Variants in DNAH12 observed in about 807,000 individuals in gnomAD.
DNAH12 encodes the protein dynein axonemal heavy chain 12, also known as axonemal beta dynein heavy chain 12.
A neutral mutation model predicts 371.5 loss-of-function variants in DNAH12; 285 were observed. The observed-to-expected ratio is 0.77, with a 90% CI of 0.70 to 0.85. The LOEUF is 0.85. Ranked by LOEUF, DNAH12 falls within the 40% of genes least tolerant of loss-of-function variation. The pLI is 0.00. For missense variants in DNAH12, 3,611 were observed against 3,689.4 expected (o/e 0.98, Z 0.55); for synonymous variants, 1,200 against 1,213.0 (o/e 0.99, Z 0.22).
At chr3:57,436,500 GT>G in intron 30 of DNAH12, among the ~76,000 whole-genome samples, 1 of 152,142 alleles carries the variant, frequency 6.6e-6, no homozygotes, top group East Asian at 1.9e-4. Context: ...TGGTAACCCT[GT>G]TCTGATAAGC....
chr3:57,481,232 C>G (rs1419745856), intron 13 of DNAH12, among the ~76,000 whole-genome samples: 1 of 152,180 alleles, frequency 6.6e-6, no homozygotes. Context: ...TCTCAGAATA[C>G]AAAATCAATG....
intron 60 of DNAH12, among the ~76,000 whole-genome samples, chr3:57,339,382 A>G (rs1482167811): frequency 1.2e-5 from 1 of 81,980 alleles, no homozygotes; most frequent in Non-Finnish European, 2.8e-5. Context: ...ATAAATACTA[A>G]AAAAAAAAAA....
intron 60 of DNAH12, among the ~76,000 whole-genome samples, chr3:57,342,708 A>T (rs2153315414): frequency 6.6e-6 from 1 of 150,612 alleles, no homozygotes; most frequent in South Asian, 2.1e-4. Context: ...CTATTCATCC[A>T]CCAAAGAATT....
At chr3:57,442,743 A>G (rs983680208) in intron 29 of DNAH12, among the ~76,000 whole-genome samples, 1 of 152,270 alleles carries the variant, frequency 6.6e-6, no homozygotes, top group Non-Finnish European at 1.5e-5. Flanking sequence ...TTTAAAAATC[A>G]TATTAGCATA....
At chr3:57,300,952 T>C (rs901062889) in intron 70 of DNAH12, among the ~76,000 whole-genome samples, 2 of 152,042 alleles carry the variant, frequency 1.3e-5, no homozygotes, top group African/African-American at 4.8e-5. Context: ...AAAATACTTA[T>C]CTTTTCCCTG....
At chr3:57,395,768 G>C (rs1251393827) in intron 43 of DNAH12, among the ~76,000 whole-genome samples, 4 of 151,354 alleles carry the variant, frequency 2.6e-5, no homozygotes, top group Non-Finnish European at 4.4e-5. Context: ...AACATAATGA[G>C]AGCCTGTCTC....
chr3:57,465,144 G>C (rs1449102854), intron 17 of DNAH12, among the ~76,000 whole-genome samples: 1 of 152,144 alleles, frequency 6.6e-6, no homozygotes, highest in East Asian at 1.9e-4. Context: ...CCTGTGTCCT[G>C]GAAGTTAGAA....
In DNAH12 at chr3:57,397,711, C is replaced by T. The variant is rs964394500; in HGVS notation, c.6949-3379G>A. Among the ~76,000 whole-genome samples the T allele has an allele frequency of 5.3e-5, 8 of 152,192 alleles. No individual in the cohort carries two copies. The East Asian group carries it at 1.2e-3, about 22-fold the overall frequency. On this transcript the variant is annotated intron_variant, in intron 43 of 73. Coordinates refer to ENST00000495027, the MANE Select transcript of DNAH12 (RefSeq NM_001366028.2). ...ATTAAGACAGTCAAAAGCACTCATA[C>T]ATGCAACAATAAAAGCACACATACA...
chr3:57,504,404 C>CAT (rs767515636), intron 8 of DNAH12, among the ~76,000 whole-genome samples, 200 bp from the exon 9 acceptor site: 1,508 of 139,930 alleles, frequency 0.011, 23 homozygotes, highest in African/African-American at 0.038. Flanking sequence ...CACACACACA[C>CAT]ATATATATAT....
intron 44 of DNAH12, among the ~76,000 whole-genome samples, chr3:57,393,673 AAAAAG>A (rs2063678414): frequency 6.6e-6 from 1 of 150,948 alleles, no homozygotes; most frequent in Non-Finnish European, 1.5e-5. Flanking sequence ...AAAGAAAAAG[AAAAAG>A]AAATGAGGGT....
intron 58 of DNAH12, among the ~76,000 whole-genome samples, chr3:57,360,705 C>T (rs1188260664): frequency 6.6e-6 from 1 of 151,946 alleles, no homozygotes; most frequent in Non-Finnish European, 1.5e-5. Context: ...ACAACAACAA[C>T]AACAAGTCCT....
intron 2 of DNAH12, among the ~76,000 whole-genome samples, chr3:57,541,559 T>C: frequency 1.3e-5 from 2 of 150,956 alleles, no homozygotes; most frequent in South Asian, 4.2e-4. Flanking sequence ...GCGATGAGGG[T>C]CTCACTACCT....
At chr3:57,363,418 A>C (rs952045833) in intron 58 of DNAH12, among the ~76,000 whole-genome samples, 176 bp downstream of exon 58, 35 of 152,202 alleles carry the variant, frequency 2.3e-4, no homozygotes, top group Admixed American at 5.9e-4. Context: ...ATAATTTAAC[A>C]GTAAGATATT....
chr3:57,323,313 A>T (rs2061853062), intron 63 of DNAH12, 53 bp from the exon 64 acceptor site: 3 of 1,522,302 alleles, frequency 2.0e-6, no homozygotes, highest in Non-Finnish European at 2.6e-6. Context: ...ATTATAAAAA[A>T]GTGCCTTATG....
chr3:57,322,905 G>T (rs542792352), intron 64 of DNAH12, 102 bp downstream of exon 64: 37 of 1,429,468 alleles, frequency 2.6e-5, no homozygotes, highest in Admixed American at 2.0e-4. Flanking sequence ...ACTCCAGCCT[G>T]GGAGACAGAG....
chr3:57,447,819 G>A (rs2065568379), intron 25 of DNAH12, among the ~76,000 whole-genome samples: 1 of 151,970 alleles, frequency 6.6e-6, no homozygotes, highest in South Asian at 2.1e-4. Flanking sequence ...GACTATAGGT[G>A]TATGCCACCA....
intron 43 of DNAH12, among the ~76,000 whole-genome samples, chr3:57,398,084 A>T (rs2063782173): frequency 6.6e-6 from 1 of 152,314 alleles, no homozygotes; most frequent in African/African-American, 2.4e-5. Flanking sequence ...GAGAATTAAC[A>T]AAGATATAGA....
chr3:57,315,694 G>T (rs559905349), intron 65 of DNAH12, among the ~76,000 whole-genome samples: 1 of 152,046 alleles, frequency 6.6e-6, no homozygotes, highest in Non-Finnish European at 1.5e-5. Context: ...AAGGAGTAGG[G>T]AAAGGGAGGC....
Position 57,323,192 on chromosome 3 carries a change from C to T in DNAH12, c.10198G>A (p.Gly3400Arg). The T allele has an allele frequency of 6.4e-7, 1 of 1,552,334 alleles. No individual in the cohort carries two copies. Among genetic ancestry groups the T allele is most frequent in the East Asian group, 2.4e-5 (1 of 40,914 alleles). Reference protein sequence around the residue: ...NKFQAISLGQGQGPIAAKMIK... With the variant: ...NKFQAISLGQRQGPIAAKMIK... Reference sequence around the variant, plus strand: ...ATTTTTGCTGCAATCGGTCCTTGTCCCTGTCCCAGTGAAATAGCTTGAAAC... The same window carrying T: ...ATTTTTGCTGCAATCGGTCCTTGTCTCTGTCCCAGTGAAATAGCTTGAAAC... The change falls in exon 64 of 74, where the codon GGA becomes AGA. Residue 3400 changes from glycine (G) to arginine (R), a missense_variant. Physicochemically the swap from Gly to Arg is moderately radical, Grantham distance 125. Transcript: ENST00000495027.
Sources: gnomAD v4.1 joint callset for allele counts (sites outside exome capture counted in the v4.1 genomes callset) on GRCh38, gnomAD v4.1.1 for gene constraint, MANE v1.5 for transcripts, NCBI Gene and HGNC (gene_info 2026-07-23, HGNC 2026-07-21) for gene names.